Variants in RNF24 observed in about 807,000 individuals in gnomAD.
The protein encoded by RNF24 is ring finger protein 24.
In RNF24, 14 loss-of-function variants were observed where a neutral mutation model predicts 20.0. That is an observed-to-expected ratio of 0.70 (90% confidence interval 0.46 to 1.10). RNF24 has a LOEUF of 1.10. RNF24 is among the 50% of genes least tolerant of loss of function. RNF24 has a pLI of 0.00. For missense variants in RNF24, 124 were observed against 177.6 expected, an observed-to-expected ratio of 0.70 and a Z score of 1.71; for synonymous variants, 45 against 61.1, an observed-to-expected ratio of 0.74 and a Z score of 1.23.
intron 1 of RNF24, among the ~76,000 whole-genome samples, chr20:3,992,332 G>A (rs551256515): frequency 2.5e-4 from 38 of 152,270 alleles, no homozygotes; most frequent in Non-Finnish European, 4.3e-4. Context: ...CATACAGGAA[G>A]AATAATAATT....
At chr20:3,986,180 G>A (rs1416202737) in intron 1 of RNF24, among the ~76,000 whole-genome samples, 1 of 152,096 alleles carries the variant, frequency 6.6e-6, no homozygotes, top group Non-Finnish European at 1.5e-5. Flanking sequence ...TTTTTTAACT[G>A]TTCTTTTCAC....
At chr20:3,961,144 A>AT (rs1343082144) in intron 2 of RNF24, among the ~76,000 whole-genome samples, 3 of 152,166 alleles carry the variant, frequency 2.0e-5, no homozygotes, top group African/African-American at 7.2e-5. Context: ...GCTCATGCCT[A>AT]TAATTTCAGC....
intron 1 of RNF24, among the ~76,000 whole-genome samples, chr20:4,005,646 C>A (rs1006228938): frequency 6.6e-6 from 1 of 152,054 alleles, no homozygotes; most frequent in Admixed American, 6.5e-5. Flanking sequence ...TATTTAGGTT[C>A]TATTTCAAAT....
intron 1 of RNF24, among the ~76,000 whole-genome samples, chr20:3,980,318 A>G (rs1218342728): frequency 6.6e-6 from 1 of 152,056 alleles, no homozygotes; most frequent in Non-Finnish European, 1.5e-5. Context: ...ACAGACCCCC[A>G]CTGGATGCCT....
chr20:3,963,776 CCAATTAT>C, intron 2 of RNF24, 92 bp downstream of exon 2: 1 of 980,416 alleles, frequency 1.0e-6, no homozygotes, highest in Admixed American at 2.9e-5. Flanking sequence ...TAAAAATTTG[CCAATTAT>C]CATACTTCAT....
intron 1 of RNF24, among the ~76,000 whole-genome samples, chr20:3,968,897 TAA>T (rs1195713674): frequency 1.3e-5 from 2 of 151,748 alleles, no homozygotes; most frequent in African/African-American, 4.8e-5. Context: ...AAAACTGTGA[TAA>T]GTTTCCAAAA....
intron 1 of RNF24, among the ~76,000 whole-genome samples, chr20:3,974,678 A>G (rs1357585030): frequency 6.6e-6 from 1 of 152,214 alleles, no homozygotes; most frequent in East Asian, 1.9e-4. Context: ...AAGAAATACA[A>G]AGAATTAAAT....
intron 4 of RNF24, among the ~76,000 whole-genome samples, chr20:3,944,858 G>A (rs557850622): frequency 1.3e-5 from 2 of 152,176 alleles, no homozygotes; most frequent in Non-Finnish European, 2.9e-5. Context: ...ATTTTCAATG[G>A]GGAAATTAGT....
At chr20:3,983,667 G>A (rs917535314) in intron 1 of RNF24, among the ~76,000 whole-genome samples, 7 of 152,016 alleles carry the variant, frequency 4.6e-5, no homozygotes, top group Non-Finnish European at 1.0e-4. Flanking sequence ...TCAGCCAGGC[G>A]TCGTGGCTCA....
chr20:3,941,871 C>A (rs1568616769), intron 4 of RNF24, among the ~76,000 whole-genome samples: 1 of 152,036 alleles, frequency 6.6e-6, no homozygotes, highest in Non-Finnish European at 1.5e-5. Flanking sequence ...GTGAGGAGTT[C>A]AAGACCAGCC....
chr20:3,967,362 T>C (rs1273679944), intron 1 of RNF24, among the ~76,000 whole-genome samples: 1 of 152,120 alleles, frequency 6.6e-6, no homozygotes, highest in African/African-American at 2.4e-5. Flanking sequence ...AGCCTTTTTT[T>C]CCCCTTATGT....
intron 2 of RNF24, among the ~76,000 whole-genome samples, chr20:3,961,013 G>C (rs1356407222): frequency 6.6e-6 from 1 of 151,982 alleles, no homozygotes; most frequent in Admixed American, 6.6e-5. Context: ...GGCTGGTCTT[G>C]AACTCCTGAC....
Position 4,014,736 on chromosome 20 carries a change from T to TGC in RNF24, c.-8+699_-8+700dup, listed in dbSNP as rs200134607. Reference sequence around the variant, plus strand: ...TTCATAGATGTCCCTTTCACTTGAATGCGCACACACACACACACACACACA... The same window carrying TGC: ...TTCATAGATGTCCCTTTCACTTGAATGCGCGCACACACACACACACACACACA... On this transcript the variant is annotated intron_variant, in intron 1 of 5. Transcript: ENST00000358395. Among the ~76,000 whole-genome samples the TGC allele has an allele frequency of 9.1e-3, 1,033 of 113,118 alleles. 10 individuals carry two copies. The highest frequency in any genetic ancestry group is 0.036 in the African/African-American group (959 of 26,786). 74.2% of individuals were successfully genotyped at this position (113,118 alleles called of 152,430 possible).
chr20:4,009,934 C>A (rs1032477478), intron 1 of RNF24, among the ~76,000 whole-genome samples: 7 of 151,968 alleles, frequency 4.6e-5, no homozygotes, highest in African/African-American at 1.7e-4. Context: ...ACCTGTAATC[C>A]CAGCAACTGG....
intron 1 of RNF24, among the ~76,000 whole-genome samples, chr20:3,985,130 TTC>T (rs749334854): frequency 6.6e-6 from 1 of 152,226 alleles, no homozygotes; most frequent in Non-Finnish European, 1.5e-5. Context: ...ATCGGGATCT[TTC>T]CATTTAGCCT....
At position 3,932,011 on chromosome 20, in the gene RNF24, G is replaced by C. The variant is rs2090830347; in HGVS notation, c.*2052C>G. On this transcript the variant is annotated 3_prime_UTR_variant, in exon 6 of 6. Coordinates refer to ENST00000358395, the MANE Select transcript of RNF24 (RefSeq NM_001134337.3). ...AAAAGCCTGCAACTTTCAGTTGGGA[G>C]AATCCTATAAAAGCTGTGAGCAGCA... 6.6e-6 allele frequency: 1 copy of C among 152,236 alleles called. No individual in the cohort carries two copies. The highest frequency in any genetic ancestry group is 2.4e-5 in the African/African-American group (1 of 41,460). The allele number at this position is 152,236 out of a possible 1,614,324, so 9.4% of individuals were successfully genotyped here.
intron 1 of RNF24, among the ~76,000 whole-genome samples, chr20:3,976,005 T>A (rs1978837240): frequency 6.6e-6 from 1 of 152,154 alleles, no homozygotes; most frequent in Non-Finnish European, 1.5e-5. Flanking sequence ...CAGGCTGGTC[T>A]TGAACTCCTG....
At chr20:4,013,856 T>C (rs1982660787) in intron 1 of RNF24, among the ~76,000 whole-genome samples, 1 of 152,200 alleles carries the variant, frequency 6.6e-6, no homozygotes, top group Non-Finnish European at 1.5e-5. Flanking sequence ...TGTAAAAGTA[T>C]ATGGGTAAAA....
chr20:3,968,966 G>A (rs2146999719), intron 1 of RNF24, among the ~76,000 whole-genome samples: 1 of 152,204 alleles, frequency 6.6e-6, no homozygotes, highest in Middle Eastern at 3.4e-3. Flanking sequence ...TAGGCCATGA[G>A]TATTAGAGTG....
Sources: allele counts gnomAD v4.1 joint callset (sites outside exome capture counted in the v4.1 genomes callset), GRCh38; gene constraint gnomAD v4.1.1; transcripts MANE v1.5; gene names NCBI Gene and HGNC (gene_info 2026-07-23, HGNC 2026-07-21).